SMG9: variants seen among roughly 807,000 people sequenced by gnomAD.
SMG9 encodes the protein SMG9 nonsense mediated mRNA decay factor.
In SMG9, 55 loss-of-function variants were observed where a neutral mutation model predicts 64.0. That is an observed-to-expected ratio of 0.86 (90% CI 0.69 to 1.08). The LOEUF is 1.08. Ranked by LOEUF, SMG9 falls within the 50% of genes least tolerant of loss-of-function variation. The pLI is 0.00. For missense variants in SMG9, 554 were observed against 681.3 expected (o/e 0.81, Z 2.08); for synonymous variants, 244 against 254.8 (o/e 0.96, Z 0.41).
In SMG9 at chr19:43,752,793, C is replaced by T. The variant is rs183291967; in HGVS notation, c.-7+1861G>A. 1.0e-3 allele frequency among the ~76,000 whole-genome samples: 156 copies of T among 151,768 alleles called. 1 individual carries two copies. The highest frequency in any genetic ancestry group is 1.7e-3 in the Non-Finnish European group (118 of 67,940). ...TGGTGACATGCACCTGTAGTCCCAG[C>T]TACTTGGGAGGCTGAGGTGGTGGGA... On this transcript the variant is annotated intron_variant, in intron 1 of 13. Coordinates refer to ENST00000270066, the MANE Select transcript of SMG9 (RefSeq NM_019108.4).
At chr19:43,732,584 T>G in intron 13 of SMG9, 1 of 461,100 alleles carries the variant, frequency 2.2e-6, no homozygotes, top group Non-Finnish European at 3.9e-6. Flanking sequence ...TATGTAACAC[T>G]TTTCCCCGAG....
Position 43,731,164 on chromosome 19 carries a change from G to A in SMG9, c.*432C>T. The A allele has an allele frequency of 1.0e-6, 1 of 995,202 alleles. No individual in the cohort carries two copies. The highest frequency in any genetic ancestry group is 1.2e-6 in the Non-Finnish European group (1 of 836,338). 61.6% of individuals were successfully genotyped at this position (995,202 alleles called of 1,614,324 possible). Reference sequence around the variant, plus strand: ...AACATAAGAACAGGCTTGCATGACTGTGTTTATTTGAACCACCAGATCTGT... The same window carrying A: ...AACATAAGAACAGGCTTGCATGACTATGTTTATTTGAACCACCAGATCTGT... On this transcript the variant is annotated 3_prime_UTR_variant, in exon 14 of 14. Coordinates refer to ENST00000270066, the MANE Select transcript of SMG9 (RefSeq NM_019108.4).
At chr19:43,740,364 T>G in intron 6 of SMG9, 146 bp from the exon 7 acceptor site, 6 of 636,846 alleles carry the variant, frequency 9.4e-6, no homozygotes, top group East Asian at 2.8e-5. Context: ...TGTCAGGGGG[T>G]GGGAGGCGGG....
intron 1 of SMG9, among the ~76,000 whole-genome samples, chr19:43,752,736 T>C (rs772771887): frequency 6.6e-5 from 10 of 151,688 alleles, no homozygotes; most frequent in Non-Finnish European, 1.3e-4. Context: ...TGTCTCTATA[T>C]AACATTTAAA....
At position 43,734,456 on chromosome 19, in the gene SMG9, T is replaced by A; in HGVS notation, c.1035A>T (p.Pro345=). The change falls in exon 10 of 14, where the codon CCA becomes CCT. Residue 345 remains proline, a synonymous_variant. Coordinates refer to ENST00000270066, the MANE Select transcript of SMG9 (RefSeq NM_019108.4). The part of the protein sequence containing the change: ...QTAEMVKPST[P]SPSHESSSSS... ...AGCTGCTGGACTCGTGGCTGGGGGA[T>A]GGGGTGGAGGGCTTCACCATCTCTG... The A allele has an allele frequency of 6.4e-7, 1 of 1,562,676 alleles. No individual in the cohort carries two copies.
rs1416179972 is a variant in SMG9, at chr19:43,731,447, C to T, written c.*149G>A. 8 of 1,460,518 alleles carry T rather than the reference C, an allele frequency of 5.5e-6. No homozygotes were observed. The Admixed American group carries it at 1.6e-4, about 29-fold the overall frequency. The allele number at this position is 1,460,518 out of a possible 1,614,324, so 90.5% of individuals were successfully genotyped here. A position where few individuals can be genotyped will look rare whatever the true frequency, so the allele number is the denominator to read the frequency against. On this transcript the variant is annotated 3_prime_UTR_variant, in exon 14 of 14. Transcript: ENST00000270066. ...TGAGGGTGGGGGGCCTGGCCCTGGACACCTCATGTCTCTGGGCCGGGAAGC... is the reference window on the plus strand; with the variant it reads ...TGAGGGTGGGGGGCCTGGCCCTGGATACCTCATGTCTCTGGGCCGGGAAGC...
At position 43,731,556 on chromosome 19, in the gene SMG9, G is replaced by C. The variant is rs750321641; in HGVS notation, c.*40C>G. 1.9e-6 allele frequency: 3 copies of C among 1,613,768 alleles called. No individual in the cohort carries two copies. Among genetic ancestry groups the C allele is most frequent in the Non-Finnish European group, 2.5e-6 (3 of 1,179,806 alleles). ...CTGTGCTCCCTCGCAGTACACTGCG[G>C]ACCCAGGAGGTCCCCTGCATGACAT... On this transcript the variant is annotated 3_prime_UTR_variant, in exon 14 of 14. Coordinates refer to ENST00000270066, the MANE Select transcript of SMG9 (RefSeq NM_019108.4).
Position 43,731,567 on chromosome 19 carries a change from T to TC in SMG9, c.*28dup, listed in dbSNP as rs1258456170. On this transcript the variant is annotated 3_prime_UTR_variant, in exon 14 of 14. Transcript: ENST00000270066. ...CGCAGTACACTGCGGACCCAGGAGG[T>TC]CCCCTGCATGACATTCCTCTCCTTG... 1.9e-5 allele frequency: 30 copies of TC among 1,613,620 alleles called. No individual in the cohort carries two copies. Among genetic ancestry groups the TC allele is most frequent in the Non-Finnish European group, 2.5e-5 (30 of 1,179,858 alleles).
chr19:43,742,673 T>C lies in SMG9; in HGVS notation c.701+2099A>G, dbSNP rs75759976. ...TAGTAAGCAATTAATACAGTACTTG[T>C]CAAAACTGAATTAAATCAGGCAGAC... On this transcript the variant is annotated intron_variant, in intron 6 of 13. Coordinates refer to ENST00000270066, the MANE Select transcript of SMG9 (RefSeq NM_019108.4). Among the ~76,000 whole-genome samples the C allele has an allele frequency of 1.3e-3, 193 of 152,228 alleles. 1 individual carries two copies. The highest frequency in any genetic ancestry group is 4.5e-3 in the African/African-American group (185 of 41,514).
intron 2 of SMG9, 79 bp from the exon 3 acceptor site, chr19:43,748,131 AT>A (rs1969085442): frequency 6.8e-7 from 1 of 1,473,770 alleles, no homozygotes; most frequent in African/African-American, 1.4e-5. Flanking sequence ...ACTATTCTAA[AT>A]GCCGAAATAT....
chr19:43,746,041 C>T (rs921876934), intron 5 of SMG9, among the ~76,000 whole-genome samples: 3 of 150,268 alleles, frequency 2.0e-5, no homozygotes, highest in East Asian at 3.9e-4. Context: ...CGCGTGATGT[C>T]GCACACTTGT....
At chr19:43,751,078 G>A (rs1180763776) in intron 1 of SMG9, among the ~76,000 whole-genome samples, 4 of 151,612 alleles carry the variant, frequency 2.6e-5, no homozygotes, top group Admixed American at 6.6e-5. Context: ...ACCTACCTTG[G>A]CCTCCCAAAG....
At chr19:43,740,068 G>T in intron 7 of SMG9, 39 bp downstream of exon 7, 1 of 1,315,710 alleles carries the variant, frequency 7.6e-7, no homozygotes, top group Non-Finnish European at 1.1e-6. Flanking sequence ...CTCAATGCAG[G>T]ATGTGGCAGG....
chr19:43,729,958 G>A lies in SMG9; in HGVS notation c.*1638C>T, dbSNP rs532021213. 1 of 152,396 alleles carries A rather than the reference G, an allele frequency of 6.6e-6. No individual in the cohort carries two copies. Among genetic ancestry groups the A allele is most frequent in the Admixed American group, 6.5e-5 (1 of 15,308 alleles). 9.4% of individuals were successfully genotyped at this position (152,396 alleles called of 1,614,324 possible). A position where few individuals can be genotyped will look rare whatever the true frequency, so the allele number is the denominator to read the frequency against. The stretch of plus-strand genomic sequence containing the variant: ...CTGTGCTGGGCCTCCTGTCTCCCAG[G>A]CCTCAGCCCTCTGTAGAGACTGGCA... On this transcript the variant is annotated 3_prime_UTR_variant, in exon 14 of 14. Coordinates refer to ENST00000270066, the MANE Select transcript of SMG9 (RefSeq NM_019108.4).
intron 1 of SMG9, among the ~76,000 whole-genome samples, chr19:43,753,588 G>A (rs1969260623): frequency 6.7e-6 from 1 of 150,230 alleles, no homozygotes; most frequent in African/African-American, 2.4e-5. Flanking sequence ...AGCCTCCCAA[G>A]TAGGTGGGAT....
chr19:43,750,513 C>G (rs997293151), intron 2 of SMG9, 79 bp downstream of exon 2: 13 of 1,495,038 alleles, frequency 8.7e-6, no homozygotes, highest in Non-Finnish European at 1.2e-5. Context: ...TCCCCGGCAT[C>G]TGGATTAGTG....
At chr19:43,733,773 G>A (rs533581372) in intron 10 of SMG9, 40 bp from the exon 11 acceptor site, 43 of 1,537,042 alleles carry the variant, frequency 2.8e-5, no homozygotes, top group South Asian at 2.5e-4. Context: ...GGCAGACATC[G>A]CTTGGCTTCA....
chr19:43,732,882 T>C lies in SMG9; in HGVS notation c.1460A>G (p.His487Arg), dbSNP rs1261479605. ...VMSMARPQLS[H>R]TILTEKNWFH... is the part of the protein sequence containing the mutation. ...CCAGTTCTTCTCGGTGAGGATCGTG[T>C]GTGACAGCTGTGGCCGGGCCATGGA... Residue 487 changes from histidine to arginine, a missense_variant, in exon 13 of 14, where the codon CAC becomes CGC. By Grantham distance (29) the His-to-Arg change is conservative. Coordinates refer to ENST00000270066, the MANE Select transcript of SMG9 (RefSeq NM_019108.4). 6.2e-7 allele frequency: 1 copy of C among 1,613,990 alleles called. No homozygotes were observed. The highest frequency in any genetic ancestry group is 1.1e-5 in the South Asian group (1 of 91,062).
chr19:43,745,364 TG>T (rs915314571), intron 5 of SMG9, among the ~76,000 whole-genome samples: 1 of 151,506 alleles, frequency 6.6e-6, no homozygotes, highest in Non-Finnish European at 1.5e-5. Flanking sequence ...TGTGTTTTTT[TG>T]TTTTTTTTTA....
Sources: gnomAD v4.1 joint callset for allele counts (sites outside exome capture counted in the v4.1 genomes callset) on GRCh38, gnomAD v4.1.1 for gene constraint, MANE v1.5 for transcripts, NCBI Gene and HGNC (gene_info 2026-07-23, HGNC 2026-07-21) for gene names.